The following SYNPR variants were observed in gnomAD, a reference collection of about 807,000 sequenced individuals.
The protein encoded by SYNPR is synaptoporin.
Under a neutral mutation model 32.9 loss-of-function variants are expected in SYNPR, and 23 were observed. The observed-to-expected ratio is 0.70, with a 90% CI of 0.50 to 0.99. The LOEUF (loss-of-function observed/expected upper bound fraction) is 0.99, where lower values mean the gene tolerates loss of function less well. SYNPR is among the 50% of genes least tolerant of loss of function. SYNPR has a pLI of 0.00. For missense variants in SYNPR, 318 were observed against 349.3 expected (o/e 0.91, Z 0.71); for synonymous variants, 146 against 135.9 (o/e 1.07, Z -0.52).
At chr3:63,506,426 C>T (rs934174892) in intron 3 of SYNPR, among the ~76,000 whole-genome samples, 2 of 152,060 alleles carry the variant, frequency 1.3e-5, no homozygotes, top group Non-Finnish European at 2.9e-5. Context: ...ATTTTGTCTC[C>T]TCCAGGTGAA....
chr3:63,354,922 G>A (rs995112896), intron 2 of SYNPR, among the ~76,000 whole-genome samples: 7 of 152,146 alleles, frequency 4.6e-5, no homozygotes, highest in East Asian at 1.9e-4. Flanking sequence ...TGGGGAGTAC[G>A]TATGCTTTGC....
chr3:63,251,669 A>G (rs2086332370), intron 1 of SYNPR, among the ~76,000 whole-genome samples: 1 of 152,152 alleles, frequency 6.6e-6, no homozygotes, highest in Non-Finnish European at 1.5e-5. Flanking sequence ...AGGTTCTGAC[A>G]GGACTGAAAT....
chr3:63,210,775 T>A, the SYNPR span, among the ~76,000 whole-genome samples: 4 of 148,360 alleles, frequency 2.7e-5, no homozygotes, highest in Admixed American at 2.8e-4. Context: ...TCTCCCTCCC[T>A]CCCATCTTCC....
intron 4 of SYNPR, among the ~76,000 whole-genome samples, chr3:63,569,983 T>C (rs1296222081): frequency 6.6e-6 from 1 of 152,216 alleles, no homozygotes; most frequent in East Asian, 1.9e-4. Flanking sequence ...ATAAATCTGG[T>C]GGCTCCTTTC....
At chr3:63,311,961 T>C (rs1416196302) in intron 2 of SYNPR, among the ~76,000 whole-genome samples, 2 of 151,992 alleles carry the variant, frequency 1.3e-5, no homozygotes, top group African/African-American at 4.8e-5. Flanking sequence ...AAGGAAATTC[T>C]GCCTTCTGAG....
At chr3:63,565,881 C>T (rs1246313946) in intron 4 of SYNPR, among the ~76,000 whole-genome samples, 1 of 152,136 alleles carries the variant, frequency 6.6e-6, no homozygotes, top group Non-Finnish European at 1.5e-5. Context: ...TCACTGCTAG[C>T]TTTTGGCTGT....
intron 2 of SYNPR, among the ~76,000 whole-genome samples, chr3:63,299,609 C>T (rs1033084889): frequency 4.6e-5 from 7 of 152,014 alleles, no homozygotes; most frequent in Non-Finnish European, 7.4e-5. Context: ...GGGAGACAGG[C>T]AGAAAAACAT....
chr3:63,533,262 T>C (rs965648298), intron 3 of SYNPR, among the ~76,000 whole-genome samples: 2 of 152,184 alleles, frequency 1.3e-5, no homozygotes, highest in Non-Finnish European at 1.5e-5. Context: ...TCTATCATTA[T>C]CAAATGTCAC....
At chr3:63,399,677 T>C (rs2088263370) in intron 2 of SYNPR, among the ~76,000 whole-genome samples, 3 of 152,160 alleles carry the variant, frequency 2.0e-5, no homozygotes, top group African/African-American at 7.2e-5. Flanking sequence ...ATTCAGACCA[T>C]AGCAGGTGGA....
chr3:63,301,974 A>G (rs531085862), intron 2 of SYNPR, among the ~76,000 whole-genome samples: 21 of 152,182 alleles, frequency 1.4e-4, no homozygotes, highest in Non-Finnish European at 2.2e-4. Flanking sequence ...CTGCAATTCC[A>G]TTACCTAAAA....
intron 2 of SYNPR, among the ~76,000 whole-genome samples, chr3:63,310,429 A>G (rs1156823525): frequency 6.6e-6 from 1 of 151,984 alleles, no homozygotes; most frequent in Non-Finnish European, 1.5e-5. Context: ...ATGTATTTAA[A>G]ATTATTTGGC....
intron 1 of SYNPR, among the ~76,000 whole-genome samples, chr3:63,246,571 A>C (rs2086292347): frequency 6.6e-6 from 1 of 152,080 alleles, no homozygotes; most frequent in African/African-American, 2.4e-5. Context: ...GGGGGTAGGT[A>C]TTTTATACCA....
At chr3:63,205,001 A>C in the SYNPR span, among the ~76,000 whole-genome samples, 119,877 of 152,106 alleles carry the variant, frequency 0.79, 47,839 homozygotes, top group Middle Eastern at 0.86. Context: ...GTAATTCTTT[A>C]TCTGTTGACT....
intron 2 of SYNPR, among the ~76,000 whole-genome samples, chr3:63,367,342 A>ATTATTTATTAAT (rs2087738213): frequency 7.0e-6 from 1 of 143,588 alleles, no homozygotes; most frequent in African/African-American, 2.6e-5. Context: ...TCACTGTTGA[A>ATTATTTATTAAT]TTATTTATTT....
chr3:63,266,501 G>A (rs1445794009), intron 2 of SYNPR, among the ~76,000 whole-genome samples: 3 of 151,704 alleles, frequency 2.0e-5, no homozygotes, highest in Non-Finnish European at 2.9e-5. Context: ...TCAGGAGTTC[G>A]AGACCAGCCT....
intron 2 of SYNPR, among the ~76,000 whole-genome samples, chr3:63,395,324 G>C (rs1029757452): frequency 2.0e-5 from 3 of 152,116 alleles, no homozygotes; most frequent in African/African-American, 4.8e-5. Flanking sequence ...ATCTTTTTAT[G>C]ACTCTTTATG....
chr3:63,591,983 A>T (rs1033777510), intron 4 of SYNPR, among the ~76,000 whole-genome samples: 2 of 152,006 alleles, frequency 1.3e-5, no homozygotes, highest in African/African-American at 2.4e-5. Flanking sequence ...ACTTTATTTG[A>T]AACAGGGGTC....
chr3:63,492,603 G>A (rs757120766), intron 3 of SYNPR, among the ~76,000 whole-genome samples: 3 of 152,188 alleles, frequency 2.0e-5, no homozygotes, highest in South Asian at 2.1e-4. Flanking sequence ...TGTAGGTTAT[G>A]TAATCAAGGC....
intron 2 of SYNPR, among the ~76,000 whole-genome samples, chr3:63,467,092 C>A (rs145862630): frequency 0.013 from 2,014 of 152,270 alleles, 17 homozygotes; most frequent in Admixed American, 0.02. Flanking sequence ...CTCACTGCAG[C>A]CTTAACCCCT....
Sources: gnomAD v4.1 joint callset for allele counts (sites outside exome capture counted in the v4.1 genomes callset) on GRCh38, gnomAD v4.1.1 for gene constraint, MANE v1.5 for transcripts, NCBI Gene and HGNC (gene_info 2026-07-23, HGNC 2026-07-21) for gene names.